Variants in PRKCQ observed in about 807,000 individuals in gnomAD.
PRKCQ encodes protein kinase C theta.
PRKCQ carries 41 observed loss-of-function variants against 91.2 expected under a neutral mutation model. The ratio of observed to expected loss-of-function variants is 0.45; its 90% CI spans 0.35 to 0.58. The LOEUF is 0.58. Ranked by LOEUF, PRKCQ falls within the 20% of genes least tolerant of loss-of-function variation. The pLI is 0.00. For missense variants in PRKCQ, 673 were observed against 896.5 expected (o/e 0.75, Z 3.18); for synonymous variants, 307 against 316.9 (o/e 0.97, Z 0.33).
intron 1 of PRKCQ, among the ~76,000 whole-genome samples, chr10:6,516,538 G>C (rs1838764379): frequency 6.6e-6 from 1 of 152,178 alleles, no homozygotes; most frequent in Admixed American, 6.5e-5. Flanking sequence ...TCTCTGGAGA[G>C]AGTTTCTTTG....
At chr10:6,535,131 C>G (rs1265880399) in intron 1 of PRKCQ, among the ~76,000 whole-genome samples, 1 of 152,184 alleles carries the variant, frequency 6.6e-6, no homozygotes, top group Non-Finnish European at 1.5e-5. Flanking sequence ...GACTCTGACA[C>G]TAGTTTCTTT....
In PRKCQ at chr10:6,428,360, T is replaced by C; in HGVS notation, c.1968A>G (p.Lys656=). Reference sequence around the variant, plus strand: ...CGAAATTGCTGCAGTCAAATGGTGATTTCTTAGTCAGAGTTTAAGGGAAGA... The same window carrying C: ...CGAAATTGCTGCAGTCAAATGGTGACTTCTTAGTCAGAGTTTAAGGGAAGA... The part of the protein sequence containing the change: ...EIDPPFRPKV[K]SPFDCSNFDK... The change falls in exon 18 of 18, where the codon AAA becomes AAG. Residue 656 remains lysine (K), a splice_region_variant and synonymous_variant. Transcript: ENST00000263125. 2 of 1,612,830 alleles carry C rather than the reference T, an allele frequency of 1.2e-6. No homozygotes were observed. The highest frequency in any genetic ancestry group is 8.5e-7 in the Non-Finnish European group (1 of 1,179,526).
At chr10:6,451,296 C>A (rs981861489) in intron 15 of PRKCQ, among the ~76,000 whole-genome samples, 5 of 151,822 alleles carry the variant, frequency 3.3e-5, no homozygotes, top group Admixed American at 1.3e-4. Flanking sequence ...ATACTACAAA[C>A]ACCTCTACAC....
rs1836435211 is a variant in PRKCQ at position 6,479,101 on chromosome 10, A to G, written c.1244T>C (p.Val415Ala). Reference sequence around the variant, plus strand: ...CTCAACATCATCGTCCATCAAGACCACATCTTTCTTTAAGGCCTTTATTGC... The same window carrying G: ...CTCAACATCATCGTCCATCAAGACCGCATCTTTCTTTAAGGCCTTTATTGC... Reference protein sequence around the residue: ...FFAIKALKKDVVLMDDDVECT... With the variant: ...FFAIKALKKDAVLMDDDVECT... Residue 415 changes from valine to alanine, a missense_variant, in exon 12 of 18, where the codon GTG becomes GCG. Physicochemically the swap from Val to Ala is moderately conservative, Grantham distance 64. Coordinates refer to ENST00000263125, the MANE Select transcript of PRKCQ (RefSeq NM_006257.5). 6.2e-7 allele frequency: 1 copy of G among 1,614,114 alleles called. No individual in the cohort carries two copies. Among genetic ancestry groups the G allele is most frequent in the Non-Finnish European group, 8.5e-7 (1 of 1,180,046 alleles).
intron 16 of PRKCQ, among the ~76,000 whole-genome samples, chr10:6,433,904 G>T (rs10906558): frequency 6.6e-6 from 1 of 151,418 alleles, no homozygotes; most frequent in African/African-American, 2.4e-5. Flanking sequence ...GGTGGTGGAC[G>T]CCTGTAACCC....
chr10:6,515,582 C>A, intron 1 of PRKCQ: 5 of 901,432 alleles, frequency 5.5e-6, no homozygotes, highest in Non-Finnish European at 6.6e-6. Flanking sequence ...TATGACACCG[C>A]AAAATTCTTA....
At chr10:6,406,169 TACA>T in the PRKCQ span, among the ~76,000 whole-genome samples, 1 of 149,028 alleles carries the variant, frequency 6.7e-6, no homozygotes, top group Non-Finnish European at 1.5e-5. Context: ...ATTTAAAATA[TACA>T]ACATTTTAGA....
At chr10:6,498,607 T>C (rs1420005939) in intron 4 of PRKCQ, 49 bp from the exon 5 acceptor site, 1 of 1,583,228 alleles carries the variant, frequency 6.3e-7, no homozygotes, top group Non-Finnish European at 8.6e-7. Context: ...AAAGGACGAC[T>C]CCTATTCTAA....
At chr10:6,450,704 A>G (rs1834619520) in intron 15 of PRKCQ, among the ~76,000 whole-genome samples, 2 of 152,224 alleles carry the variant, frequency 1.3e-5, no homozygotes, top group Admixed American at 1.3e-4. Context: ...AATGTAAAAG[A>G]ACAGAAATTA....
intron 1 of PRKCQ, among the ~76,000 whole-genome samples, chr10:6,579,582 T>C (rs983697959): frequency 3.3e-5 from 5 of 152,102 alleles, no homozygotes; most frequent in African/African-American, 1.2e-4. Context: ...CTTTGCTTGG[T>C]TAACCTGGCC....
In PRKCQ at chr10:6,450,061, A is replaced by T. The variant is rs1195965374; in HGVS notation, c.1647+6613T>A. ...AATAACCAGCTAACATCATAATGAC[A>T]GGATCAAATTCACACATAACAATAT... On this transcript the variant is annotated intron_variant, in intron 15 of 17. Coordinates refer to ENST00000263125, the MANE Select transcript of PRKCQ (RefSeq NM_006257.5). 1.5e-4 allele frequency among the ~76,000 whole-genome samples: 22 copies of T among 150,156 alleles called. 1 individual carries two copies. Among genetic ancestry groups the T allele is most frequent in the Admixed American group, 8.7e-4 (13 of 14,980 alleles).
intron 1 of PRKCQ, among the ~76,000 whole-genome samples, chr10:6,530,900 ACTCT>A (rs990698191): frequency 1.3e-5 from 2 of 151,934 alleles, no homozygotes; most frequent in African/African-American, 2.4e-5. Flanking sequence ...AGCTTACGGG[ACTCT>A]CTATTTTTCC....
chr10:6,429,732 T>C (rs1833313379), intron 17 of PRKCQ, among the ~76,000 whole-genome samples: 2 of 150,026 alleles, frequency 1.3e-5, no homozygotes, highest in Non-Finnish European at 3.0e-5. Flanking sequence ...TTTTTGTTGT[T>C]TTTCTAAAAA....
chr10:6,578,352 C>A (rs1292326974), intron 1 of PRKCQ, among the ~76,000 whole-genome samples: 1 of 152,178 alleles, frequency 6.6e-6, no homozygotes, highest in Non-Finnish European at 1.5e-5. Context: ...AAGACAGTAG[C>A]GGAAATGAAC....
At chr10:6,574,111 G>A (rs542808319) in intron 1 of PRKCQ, among the ~76,000 whole-genome samples, 11 of 152,184 alleles carry the variant, frequency 7.2e-5, no homozygotes, top group Middle Eastern at 3.4e-3. Flanking sequence ...GCAAGACCCC[G>A]TAAAAAAAAA....
intron 1 of PRKCQ, among the ~76,000 whole-genome samples, chr10:6,552,071 C>CT (rs1840207307): frequency 6.6e-6 from 1 of 152,130 alleles, no homozygotes; most frequent in Non-Finnish European, 1.5e-5. Context: ...CTAATGATCA[C>CT]TGATAGTGAA....
chr10:6,509,581 G>A (rs1026720948), intron 3 of PRKCQ, among the ~76,000 whole-genome samples: 1 of 152,130 alleles, frequency 6.6e-6, no homozygotes, highest in African/African-American at 2.4e-5. Flanking sequence ...GCTAATTTTT[G>A]TATTTTTAGT....
At chr10:6,448,430 G>T (rs1415038477) in intron 15 of PRKCQ, among the ~76,000 whole-genome samples, 6 of 149,348 alleles carry the variant, frequency 4.0e-5, no homozygotes, top group African/African-American at 4.9e-5. Flanking sequence ...TTTTTTTTGA[G>T]TCAGAGTCTC....
At chr10:6,498,254 G>T (rs955165970) in intron 5 of PRKCQ, 142 bp downstream of exon 5, 3 of 1,107,406 alleles carry the variant, frequency 2.7e-6, no homozygotes, top group Non-Finnish European at 3.9e-6. Context: ...AACCTTCTCA[G>T]TTCAGGCAAG....
Sources: allele counts gnomAD v4.1 joint callset (sites outside exome capture counted in the v4.1 genomes callset), GRCh38; gene constraint gnomAD v4.1.1; transcripts MANE v1.5; gene names NCBI Gene and HGNC (gene_info 2026-07-23, HGNC 2026-07-21).